SEMA5B: variants seen among roughly 807,000 people sequenced by gnomAD.
SEMA5B encodes the protein semaphorin 5B.
A neutral mutation model predicts 135.0 loss-of-function variants in SEMA5B; 66 were observed. The observed-to-expected ratio is 0.49, with a 90% CI of 0.40 to 0.60. SEMA5B has a LOEUF of 0.60. Ranked by LOEUF, SEMA5B falls within the 20% of genes least tolerant of loss-of-function variation. The pLI is 0.00. For synonymous variants in SEMA5B, 690 were observed against 639.5 expected (o/e 1.08, Z -1.19); for missense variants, 1,501 against 1,566.3 (o/e 0.96, Z 0.70).
rs900236418 is a variant in SEMA5B at position 122,928,929 on chromosome 3, C to G, written c.537+67G>C. On this transcript the variant is annotated intron_variant, in intron 6 of 22. Coordinates refer to ENST00000357599, the MANE Select transcript of SEMA5B (RefSeq NM_001031702.4). ...GGACCTCAGTCCACACAGTGCTGCT[C>G]CATCCCCACAACCACAGGCCTCCTT... 6.0e-6 allele frequency: 9 copies of G among 1,496,314 alleles called. No homozygotes were observed. In the East Asian group the frequency reaches 2.0e-4, roughly 34 times the overall value. The allele number at this position is 1,496,314 out of a possible 1,614,324, so 92.7% of individuals were successfully genotyped here. A position where few individuals can be genotyped will look rare whatever the true frequency, so the allele number is the denominator to read the frequency against.
At chr3:122,930,993 G>T (rs1938941725) in intron 5 of SEMA5B, among the ~76,000 whole-genome samples, 1 of 152,008 alleles carries the variant, frequency 6.6e-6, no homozygotes, top group Admixed American at 6.5e-5. Context: ...AAGTATATAG[G>T]TTTATAGAGA....
chr3:122,957,364 A>G (rs1414395973), intron 2 of SEMA5B, among the ~76,000 whole-genome samples: 1 of 152,238 alleles, frequency 6.6e-6, no homozygotes, highest in Non-Finnish European at 1.5e-5. Context: ...CCCCAGTCCA[A>G]CTGTGGGGCT....
chr3:122,925,368 G>GAA (rs34399891), intron 9 of SEMA5B, among the ~76,000 whole-genome samples: 9 of 148,468 alleles, frequency 6.1e-5, no homozygotes, highest in South Asian at 2.1e-4. Flanking sequence ...TAGCTGATGA[G>GAA]AAAAAAAAAA....
chr3:122,947,687 G>A (rs1939850371), intron 3 of SEMA5B, among the ~76,000 whole-genome samples: 1 of 152,130 alleles, frequency 6.6e-6, no homozygotes, highest in Non-Finnish European at 1.5e-5. Flanking sequence ...TCCTGGCACT[G>A]CCTCCCCAAC....
intron 1 of SEMA5B, among the ~76,000 whole-genome samples, chr3:122,969,663 A>G (rs976064940): frequency 3.9e-5 from 6 of 152,048 alleles, no homozygotes; most frequent in Non-Finnish European, 7.4e-5. Context: ...ACCTGCATTG[A>G]TATTTCTGTG....
chr3:123,026,558 G>T (rs924454451), intron 1 of SEMA5B, among the ~76,000 whole-genome samples: 37 of 152,104 alleles, frequency 2.4e-4, no homozygotes, highest in Admixed American at 2.4e-3. Context: ...GGGTTTTCTC[G>T]AGCCTCGCCT....
chr3:122,924,223 G>T (rs940953909), intron 9 of SEMA5B, among the ~76,000 whole-genome samples: 1 of 152,032 alleles, frequency 6.6e-6, no homozygotes, highest in Non-Finnish European at 1.5e-5. Flanking sequence ...TTATGCCATA[G>T]CCTGCCACAC....
intron 2 of SEMA5B, among the ~76,000 whole-genome samples, chr3:122,954,753 A>G (rs908821266): frequency 1.8e-4 from 27 of 151,872 alleles, no homozygotes; most frequent in Admixed American, 1.1e-3. Flanking sequence ...TTGCAGGGGA[A>G]ACTGGAACAG....
In SEMA5B at chr3:122,926,465, A is replaced by G; in HGVS notation, c.1063T>C (p.Tyr355His). The change falls in exon 9 of 23, where the codon TAC becomes CAC. Residue 355 changes from tyrosine (Y) to histidine (H), a missense_variant. Physicochemically the swap from Tyr to His is moderately conservative, Grantham distance 83. Transcript: ENST00000357599. ...NCSRPGEVPF[Y>H]YNELQSAFHL... ...AAGGCACTCTGCAGCTCGTTATAGTAGAAGGGGACCTCGCCCGGGCGGGAG... is the reference window on the plus strand; with the variant it reads ...AAGGCACTCTGCAGCTCGTTATAGTGGAAGGGGACCTCGCCCGGGCGGGAG... The G allele has an allele frequency of 6.2e-7, 1 of 1,614,210 alleles. No individual in the cohort carries two copies. Among genetic ancestry groups the G allele is most frequent in the Non-Finnish European group, 8.5e-7 (1 of 1,180,038 alleles).
chr3:122,913,148 A>C, intron 17 of SEMA5B, 51 bp downstream of exon 17: 2 of 1,457,542 alleles, frequency 1.4e-6, no homozygotes, highest in Non-Finnish European at 1.8e-6. Context: ...CCCCGCCCTC[A>C]CCGCTCCGGG....
chr3:122,981,233 G>A (rs1477740459), intron 1 of SEMA5B, among the ~76,000 whole-genome samples: 12 of 152,238 alleles, frequency 7.9e-5, no homozygotes, highest in African/African-American at 2.9e-4. Context: ...CATAACATAA[G>A]AGACACCTGA....
Position 123,018,561 on chromosome 3 carries a change from A to G in SEMA5B, c.-39+8903T>C, listed in dbSNP as rs148702191. The stretch of plus-strand genomic sequence containing the variant: ...GCACAGAATGACCAGGAAGAACCCA[A>G]TCGGGACCCCACATTTCTCTTAGCT... On this transcript the variant is annotated intron_variant, in intron 1 of 22. Transcript: ENST00000357599. Among the ~76,000 whole-genome samples, 793 of 152,308 alleles carry G rather than the reference A, an allele frequency of 5.2e-3. 8 individuals are homozygous for G. The highest frequency in any genetic ancestry group is 0.018 in the African/African-American group (754 of 41,558).
chr3:122,927,257 G>T (rs958635272), intron 8 of SEMA5B, among the ~76,000 whole-genome samples: 1 of 152,176 alleles, frequency 6.6e-6, no homozygotes, highest in African/African-American at 2.4e-5. Context: ...TGCGATCATA[G>T]CTCACTGCAG....
chr3:122,952,369 T>A (rs2107568588), intron 2 of SEMA5B, among the ~76,000 whole-genome samples: 1 of 152,222 alleles, frequency 6.6e-6, no homozygotes, highest in Admixed American at 6.5e-5. Context: ...GGAAGAGGGA[T>A]TCAAAGGGCA....
intron 1 of SEMA5B, among the ~76,000 whole-genome samples, chr3:122,981,105 C>G (rs530276924): frequency 1.3e-5 from 2 of 152,384 alleles, no homozygotes; most frequent in South Asian, 4.1e-4. Flanking sequence ...ACACTTGGCT[C>G]TTGCAGGCTG....
chr3:122,949,830 A>C (rs1292732178), intron 2 of SEMA5B, among the ~76,000 whole-genome samples: 1 of 152,154 alleles, frequency 6.6e-6, no homozygotes, highest in Non-Finnish European at 1.5e-5. Context: ...CAGCACAAGA[A>C]GACAGGCTTC....
chr3:122,910,027 G>T lies in SEMA5B; in HGVS notation c.*116C>A. 9.0e-7 allele frequency: 1 copy of T among 1,116,478 alleles called. No homozygotes were observed. Among genetic ancestry groups the T allele is most frequent in the East Asian group, 2.6e-5 (1 of 38,622 alleles). The allele number at this position is 1,116,478 out of a possible 1,614,324, so 69.2% of individuals were successfully genotyped here. A position where few individuals can be genotyped will look rare whatever the true frequency, so the allele number is the denominator to read the frequency against. ...GCCGGATGGGACCCCCCACAGGCAA[G>T]GCAGCAAGTTCTTGGCCTAGTGCAG... On this transcript the variant is annotated 3_prime_UTR_variant, in exon 23 of 23. Transcript: ENST00000357599.
At chr3:122,948,380 C>T (rs1270065715) in intron 3 of SEMA5B, 126 bp downstream of exon 3, 20 of 732,840 alleles carry the variant, frequency 2.7e-5, no homozygotes, top group South Asian at 2.5e-4. Context: ...GACCCCGGGA[C>T]GGGACCCAGC....
intron 14 of SEMA5B, 150 bp downstream of exon 14, chr3:122,915,290 C>T: frequency 1.5e-6 from 1 of 672,176 alleles, no homozygotes; most frequent in Non-Finnish European, 2.4e-6. Flanking sequence ...GGTTTCCTGC[C>T]TCAGATATTA....
Sources: allele counts gnomAD v4.1 joint callset (sites outside exome capture counted in the v4.1 genomes callset), GRCh38; gene constraint gnomAD v4.1.1; transcripts MANE v1.5; gene names NCBI Gene and HGNC (gene_info 2026-07-23, HGNC 2026-07-21).